Variants in GABRG3 observed in about 807,000 individuals in gnomAD.
The protein encoded by GABRG3 is gamma-aminobutyric acid receptor subunit gamma-3.
Under a neutral mutation model 48.8 loss-of-function variants are expected in GABRG3, and 25 were observed. The observed-to-expected ratio is 0.51, with a 90% CI of 0.37 to 0.72. The LOEUF is 0.72. Ranked by LOEUF, GABRG3 falls within the 30% of genes least tolerant of loss-of-function variation. The probability of loss-of-function intolerance (pLI) is 0.00; values close to 1 mark genes in which losing one functional copy is unlikely to be tolerated. For missense variants in GABRG3, 394 were observed against 577.9 expected, an observed-to-expected ratio of 0.68 and a Z score of 3.26; for synonymous variants, 227 against 217.6, an observed-to-expected ratio of 1.04 and a Z score of -0.38.
intron 2 of GABRG3, among the ~76,000 whole-genome samples, chr15:27,016,844 TG>T (rs1895787707): frequency 6.6e-6 from 1 of 152,210 alleles, no homozygotes; most frequent in African/African-American, 2.4e-5. Flanking sequence ...TTAAATTTAC[TG>T]GTTCTTTCTT....
Position 27,457,345 on chromosome 15 carries a change from G to A in GABRG3, c.575-23305G>A, listed in dbSNP as rs1036628068. Among the ~76,000 whole-genome samples the A allele has an allele frequency of 1.2e-4, 18 of 152,164 alleles. No homozygotes were observed. Among genetic ancestry groups the A allele is most frequent in the African/African-American group, 4.3e-4 (18 of 41,432 alleles). On this transcript the variant is annotated intron_variant, in intron 5 of 9. Coordinates refer to ENST00000615808, the MANE Select transcript of GABRG3 (RefSeq NM_033223.5). The surrounding 1 kb of genome is among the most constrained non-coding windows in gnomAD (Gnocchi z 4.4). ...GACTAAGTCCTTGCTAGCATTTGAC[G>A]TTTTGTTTTTTGCGTTTGTAGAAAC...
chr15:27,334,158 G>A (rs1401017984), intron 5 of GABRG3, among the ~76,000 whole-genome samples: 1 of 152,018 alleles, frequency 6.6e-6, no homozygotes, highest in East Asian at 1.9e-4. Flanking sequence ...TTAACTAAAC[G>A]ATGCAATATA....
chr15:27,421,127 C>A (rs1888100598), intron 5 of GABRG3, among the ~76,000 whole-genome samples: 1 of 152,172 alleles, frequency 6.6e-6, no homozygotes, highest in African/African-American at 2.4e-5. Flanking sequence ...GGCTCCTCGA[C>A]CGATGACACA....
chr15:27,481,212 C>T (rs1258347966), intron 6 of GABRG3: 1 of 990,050 alleles, frequency 1.0e-6, no homozygotes, highest in Non-Finnish European at 1.2e-6. Flanking sequence ...TAAGTTTTAT[C>T]TTTAACTTTG....
chr15:27,266,347 T>C (rs1218715484), intron 3 of GABRG3, among the ~76,000 whole-genome samples: 3 of 152,218 alleles, frequency 2.0e-5, no homozygotes, highest in African/African-American at 7.2e-5. Context: ...ATCTTCTGCA[T>C]TGGTTTTTAC....
chr15:27,530,660 G>C (rs1343468807), intron 9 of GABRG3: 1 of 471,076 alleles, frequency 2.1e-6, no homozygotes, highest in Admixed American at 2.3e-5. Flanking sequence ...TTGCCCTTTA[G>C]ATCTCTGGTG....
In GABRG3 at chr15:27,534,644, G is replaced by T. The variant is rs1891508179; in HGVS notation, c.*1763G>T. 1 of 152,182 alleles carries T rather than the reference G, an allele frequency of 6.6e-6. No individual in the cohort carries two copies. Among genetic ancestry groups the T allele is most frequent in the African/African-American group, 2.4e-5 (1 of 41,434 alleles). 9.4% of individuals were successfully genotyped at this position (152,182 alleles called of 1,614,324 possible). A position where few individuals can be genotyped will look rare whatever the true frequency, so the allele number is the denominator to read the frequency against. On this transcript the variant is annotated 3_prime_UTR_variant, in exon 10 of 10. Coordinates refer to ENST00000615808, the MANE Select transcript of GABRG3 (RefSeq NM_033223.5). ...AAACGTAAAATATTTTGCAGAGAAA[G>T]TATAGAAAAGTATCAATTTCACACA...
chr15:27,247,880 A>G (rs1890316299), intron 3 of GABRG3, among the ~76,000 whole-genome samples: 1 of 152,154 alleles, frequency 6.6e-6, no homozygotes, highest in South Asian at 2.1e-4. Flanking sequence ...TGATTCAATT[A>G]TCTCCCACTG....
intron 3 of GABRG3, among the ~76,000 whole-genome samples, chr15:27,046,312 C>T (rs1469019469): frequency 6.7e-6 from 1 of 150,302 alleles, no homozygotes; most frequent in African/African-American, 2.4e-5. Context: ...CCATGTTTGT[C>T]AGGCTGGTCT....
intron 6 of GABRG3, among the ~76,000 whole-genome samples, chr15:27,513,213 C>T (rs188772800): frequency 9.1e-4 from 138 of 151,864 alleles, no homozygotes; most frequent in African/African-American, 2.8e-3. Flanking sequence ...TTTGGGAGGC[C>T]GAGGCAAGCA....
intron 2 of GABRG3, among the ~76,000 whole-genome samples, chr15:26,981,431 A>G (rs1454380440): frequency 2.0e-5 from 3 of 152,230 alleles, no homozygotes; most frequent in Admixed American, 2.0e-4. Context: ...GATATGGTCT[A>G]TCTTGGCAAA....
intron 2 of GABRG3, among the ~76,000 whole-genome samples, chr15:27,004,044 C>CCT: frequency 6.7e-6 from 1 of 149,190 alleles, no homozygotes; most frequent in South Asian, 2.1e-4. Flanking sequence ...CCCCCAACTC[C>CCT]CTCCCGGACG....
chr15:27,430,346 G>A (rs1888411487), intron 5 of GABRG3, among the ~76,000 whole-genome samples: 1 of 152,170 alleles, frequency 6.6e-6, no homozygotes, highest in African/African-American at 2.4e-5. Flanking sequence ...TGTATTCTGT[G>A]TGTTGACTTT....
intron 3 of GABRG3, among the ~76,000 whole-genome samples, chr15:27,173,129 G>C (rs551422826): frequency 2.0e-5 from 3 of 152,324 alleles, no homozygotes; most frequent in Admixed American, 6.5e-5. Context: ...TTCATCTCCT[G>C]TGACAGTGCA....
intron 5 of GABRG3, among the ~76,000 whole-genome samples, chr15:27,461,909 T>G (rs948297443): frequency 4.6e-5 from 7 of 152,190 alleles, no homozygotes; most frequent in African/African-American, 1.7e-4. Flanking sequence ...GTGTTAAAAG[T>G]TGCCCATCTC....
At chr15:27,476,280 C>A (rs919263115) in intron 5 of GABRG3, among the ~76,000 whole-genome samples, 3 of 152,110 alleles carry the variant, frequency 2.0e-5, no homozygotes, top group East Asian at 1.9e-4. Context: ...TTAAAAGACA[C>A]AGAAAAGCAT....
At chr15:27,417,946 A>C (rs577815597) in intron 5 of GABRG3, among the ~76,000 whole-genome samples, 1 of 152,278 alleles carries the variant, frequency 6.6e-6, no homozygotes, top group South Asian at 2.1e-4. Context: ...TACTCGAGTC[A>C]TCCTATTTCC....
chr15:27,170,293 G>A (rs1887521519), intron 3 of GABRG3, among the ~76,000 whole-genome samples: 1 of 152,176 alleles, frequency 6.6e-6, no homozygotes, highest in South Asian at 2.1e-4. Context: ...GAGGGAAAGT[G>A]AAAATATACT....
chr15:27,131,760 A>G (rs897090621), intron 3 of GABRG3, among the ~76,000 whole-genome samples: 5 of 151,950 alleles, frequency 3.3e-5, no homozygotes, highest in African/African-American at 1.2e-4. Flanking sequence ...TTACATTTCT[A>G]CCTCATCAGC....
Sources: gnomAD v4.1 joint callset for allele counts (sites outside exome capture counted in the v4.1 genomes callset) on GRCh38, gnomAD v4.1.1 for gene constraint, Gnocchi (gnomAD v3.1) non-coding constraint, MANE v1.5 for transcripts, NCBI Gene and HGNC (gene_info 2026-07-23, HGNC 2026-07-21) for gene names.